AQP9: variants seen among roughly 807,000 people sequenced by gnomAD.
AQP9 encodes the protein aquaporin 9.
AQP9 carries 19 observed loss-of-function variants against 23.8 expected under a neutral mutation model. The observed-to-expected ratio is 0.80, with a 90% CI of 0.56 to 1.17. The LOEUF is 1.17. Among genes scored for constraint, AQP9 ranks in the 50% most tolerant of loss-of-function variants. The probability of loss-of-function intolerance (pLI) is 0.00; values close to 1 mark genes in which losing one functional copy is unlikely to be tolerated. For synonymous variants in AQP9, 153 were observed against 131.5 expected (o/e 1.16, Z -1.12); for missense variants, 413 against 362.0 (o/e 1.14, Z -1.14).
intron 5 of AQP9, among the ~76,000 whole-genome samples, chr15:58,181,262 C>A (rs1182676055): frequency 3.3e-5 from 5 of 152,190 alleles, no homozygotes; most frequent in African/African-American, 1.2e-4. Flanking sequence ...TTCATTCATG[C>A]AGCTACTTGA....
At chr15:58,172,956 T>C in intron 2 of AQP9, 112 bp from the exon 3 acceptor site, 1 of 1,359,542 alleles carries the variant, frequency 7.4e-7, no homozygotes. Flanking sequence ...TTTCTCCTCA[T>C]AGGCAGTAGT....
intron 4 of AQP9, among the ~76,000 whole-genome samples, chr15:58,175,372 G>T (rs1898727860): frequency 6.6e-6 from 1 of 152,212 alleles, no homozygotes; most frequent in South Asian, 2.1e-4. Flanking sequence ...AAGTGTGGAG[G>T]CCACAAGAGA....
chr15:58,151,890 A>G (rs1292159957), intron 1 of AQP9: 1 of 151,798 alleles, frequency 6.6e-6, no homozygotes, highest in Non-Finnish European at 1.5e-5. Flanking sequence ...CTTACCCTCA[A>G]CCCCCTAACA....
rs117652927 is a variant in AQP9 at position 58,173,242 on chromosome 15, C to A, written c.376+37C>A. Reference sequence around the variant, plus strand: ...CCCTGAGTCCTAAGGTTAGGAAGAGCTGGGCATAATTTGAAAGTCAGAATT... The same window carrying A: ...CCCTGAGTCCTAAGGTTAGGAAGAGATGGGCATAATTTGAAAGTCAGAATT... On this transcript the variant is annotated intron_variant, in intron 3 of 5. Coordinates refer to ENST00000219919, the MANE Select transcript of AQP9 (RefSeq NM_020980.5). The A allele has an allele frequency of 6.1e-3, 9,762 of 1,609,612 alleles. 441 individuals are homozygous for A. In the African/African-American group the frequency reaches 0.1, roughly 17 times the overall value.
intron 1 of AQP9, chr15:58,147,011 C>T (rs978016324): frequency 6.6e-6 from 1 of 152,118 alleles, no homozygotes; most frequent in East Asian, 1.9e-4. Context: ...CAGCAATGAA[C>T]GTGGAGGACC....
chr15:58,145,435 G>A (rs759941143), intron 1 of AQP9, among the ~76,000 whole-genome samples: 47 of 151,420 alleles, frequency 3.1e-4, no homozygotes, highest in Non-Finnish European at 5.6e-4. Flanking sequence ...CCTGGGAGGC[G>A]GAGATTGTGC....
chr15:58,160,661 G>GAAAAAA (rs1898358797), intron 1 of AQP9, among the ~76,000 whole-genome samples: 4 of 151,654 alleles, frequency 2.6e-5, no homozygotes, highest in African/African-American at 9.7e-5. Context: ...TTCCCTGGTG[G>GAAAAAA]ACATTATAGT....
chr15:58,156,907 C>A (rs1898274374), intron 1 of AQP9, among the ~76,000 whole-genome samples: 1 of 152,132 alleles, frequency 6.6e-6, no homozygotes. Flanking sequence ...CTACATATGT[C>A]CTCAGGAAAA....
chr15:58,183,132 T>C (rs1047148850), intron 5 of AQP9, among the ~76,000 whole-genome samples: 6 of 152,216 alleles, frequency 3.9e-5, no homozygotes, highest in African/African-American at 1.4e-4. Flanking sequence ...TTGTCTCCCA[T>C]CCCCTCTGCA....
intron 1 of AQP9, among the ~76,000 whole-genome samples, chr15:58,158,318 C>A (rs935111654): frequency 3.3e-5 from 5 of 152,104 alleles, no homozygotes; most frequent in South Asian, 2.1e-4. Flanking sequence ...GCTAAAAGTT[C>A]GGGCCTCTGA....
chr15:58,153,244 G>A (rs1401799697), intron 1 of AQP9: 1 of 152,080 alleles, frequency 6.6e-6, no homozygotes, highest in African/African-American at 2.4e-5. Context: ...ACTAATTACT[G>A]TTCTCCTGGC....
chr15:58,177,365 G>C (rs896667927), intron 4 of AQP9, among the ~76,000 whole-genome samples: 3 of 152,204 alleles, frequency 2.0e-5, no homozygotes, highest in Non-Finnish European at 2.9e-5. Context: ...CTCTTTTGCA[G>C]AGTGACAGGG....
intron 1 of AQP9, chr15:58,152,534 T>C (rs1298127559): frequency 6.6e-6 from 1 of 152,142 alleles, no homozygotes; most frequent in African/African-American, 2.4e-5. Flanking sequence ...ACCAAAACAT[T>C]AGATTGTGGA....
At chr15:58,153,938 A>T (rs1898198061) in intron 1 of AQP9, 1 of 152,034 alleles carries the variant, frequency 6.6e-6, no homozygotes, top group African/African-American at 2.4e-5. Flanking sequence ...TTCCTAATTA[A>T]CCCAATTAAG....
rs1466970289 is a variant in AQP9, at chr15:58,174,831, G to A, written c.377-87G>A. The A allele has an allele frequency of 6.5e-6, 7 of 1,078,082 alleles. No homozygotes were observed. In the South Asian group the frequency reaches 7.8e-5, roughly 12 times the overall value. 66.8% of individuals were successfully genotyped at this position (1,078,082 alleles called of 1,614,324 possible). On this transcript the variant is annotated intron_variant, in intron 3 of 5. Transcript: ENST00000219919. The stretch of plus-strand genomic sequence containing the variant: ...TGGCTATGCCAAGCTCAATCTGAGT[G>A]ACTGGTTGTTTAGCACAAGGCTTGG...
At chr15:58,167,200 G>A (rs893038037) in intron 2 of AQP9, among the ~76,000 whole-genome samples, 20 of 152,348 alleles carry the variant, frequency 1.3e-4, no homozygotes, top group Admixed American at 1.3e-3. Flanking sequence ...CAAACAGGAA[G>A]AGTCTGGGTC....
At position 58,185,307 on chromosome 15, in the gene AQP9, A is replaced by C. The variant is rs183195999; in HGVS notation, c.*1172A>C. On this transcript the variant is annotated 3_prime_UTR_variant, in exon 6 of 6. Transcript: ENST00000219919. Reference sequence around the variant, plus strand: ...CTTTCAGAAGATCAGTAGCTGGCTGACAATCTTTGCCAAATCTTCCTTGCT... The same window carrying C: ...CTTTCAGAAGATCAGTAGCTGGCTGCCAATCTTTGCCAAATCTTCCTTGCT... The C allele has an allele frequency of 0.018, 2,826 of 152,776 alleles. 45 individuals are homozygous for C. Among genetic ancestry groups the C allele is most frequent in the Non-Finnish European group, 0.029 (1,960 of 68,034 alleles). 9.5% of individuals were successfully genotyped at this position (152,776 alleles called of 1,614,324 possible). A position where few individuals can be genotyped will look rare whatever the true frequency, so the allele number is the denominator to read the frequency against.
intron 1 of AQP9, among the ~76,000 whole-genome samples, chr15:58,148,472 G>A (rs1029475529): frequency 6.6e-6 from 1 of 152,130 alleles, no homozygotes; most frequent in Non-Finnish European, 1.5e-5. Flanking sequence ...TCAGTCCTCA[G>A]AACTCCTCCA....
chr15:58,150,539 T>C (rs1317884186), intron 1 of AQP9: 10 of 152,648 alleles, frequency 6.6e-5, no homozygotes, highest in African/African-American at 2.4e-4. Context: ...ACTATTCTTA[T>C]ATGTCTCTAT....
Sources: gnomAD v4.1 joint callset for allele counts (sites outside exome capture counted in the v4.1 genomes callset) on GRCh38, gnomAD v4.1.1 for gene constraint, MANE v1.5 for transcripts, NCBI Gene and HGNC (gene_info 2026-07-23, HGNC 2026-07-21) for gene names.